The following ACTN4 variants were observed in gnomAD, a reference collection of about 807,000 sequenced individuals.
ACTN4 encodes actinin alpha 4, also known as alpha-actinin-4.
In ACTN4, 18 loss-of-function variants were observed where a neutral mutation model predicts 114.2. The ratio of observed to expected loss-of-function variants is 0.16; its 90% CI spans 0.11 to 0.23. The LOEUF (loss-of-function observed/expected upper bound fraction) is 0.23, where lower values mean the gene tolerates loss of function less well. Ranked by LOEUF, ACTN4 falls within the 10% of genes least tolerant of loss-of-function variation. ACTN4 has a pLI of 1.00. For missense variants in ACTN4, 722 were observed against 1,262.9 expected (o/e 0.57, Z 6.49); for synonymous variants, 515 against 506.3 (o/e 1.02, Z -0.23).
Position 38,730,052 on chromosome 19 carries a change from C to T in ACTN4, c.*620C>T, listed in dbSNP as rs1969437993. 7 of 160,296 alleles carry T rather than the reference C, an allele frequency of 4.4e-5. No individual in the cohort carries two copies. The highest frequency in any genetic ancestry group is 2.7e-5 in the Non-Finnish European group (2 of 75,104). The allele number at this position is 160,296 out of a possible 1,614,324, so 9.9% of individuals were successfully genotyped here. A position where few individuals can be genotyped will look rare whatever the true frequency, so the allele number is the denominator to read the frequency against. ...CCCCATCCCACCAGCCCCGGCCTTG[C>T]TTTGTCTGGCCTCACGTGTCTCAGA... On this transcript the variant is annotated 3_prime_UTR_variant, in exon 21 of 21. Transcript: ENST00000252699.
chr19:38,722,526 T>C (rs1969081182), intron 12 of ACTN4, among the ~76,000 whole-genome samples: 1 of 152,184 alleles, frequency 6.6e-6, no homozygotes. Flanking sequence ...CAGAGCTGGT[T>C]TCCTCCCCGA....
intron 1 of ACTN4, among the ~76,000 whole-genome samples, chr19:38,671,131 A>G (rs1967114764): frequency 6.6e-6 from 1 of 152,122 alleles, no homozygotes; most frequent in Non-Finnish European, 1.5e-5. Context: ...CAGCTCTGAT[A>G]AAAGGTGGTT....
chr19:38,718,799 A>C (rs1357737258), intron 11 of ACTN4, among the ~76,000 whole-genome samples: 2 of 152,202 alleles, frequency 1.3e-5, no homozygotes, highest in East Asian at 3.8e-4. Context: ...CTGTGTTCAG[A>C]GTCGGCTTCC....
intron 2 of ACTN4, 88 bp downstream of exon 2, chr19:38,700,802 C>T (rs983874821): frequency 7.1e-7 from 1 of 1,409,126 alleles, no homozygotes; most frequent in Non-Finnish European, 9.9e-7. Flanking sequence ...ACCCAGCTGT[C>T]CCATTGCTCC....
chr19:38,684,390 C>A (rs950093922), intron 1 of ACTN4, among the ~76,000 whole-genome samples: 22 of 152,174 alleles, frequency 1.4e-4, no homozygotes, highest in Admixed American at 1.2e-3. Flanking sequence ...CTAGGCCTTT[C>A]CTAGAAAACT....
In ACTN4 at chr19:38,724,308, C is replaced by T; in HGVS notation, c.1844C>T (p.Thr615Ile). 7 of 1,613,850 alleles carry T rather than the reference C, an allele frequency of 4.3e-6. No homozygotes were observed. The highest frequency in any genetic ancestry group is 1.1e-5 in the South Asian group (1 of 91,090). The change falls in exon 15 of 21, where the codon ACC becomes ATC. Residue 615 changes from threonine (T) to isoleucine (I), a missense_variant. Physicochemically the swap from Thr to Ile is moderately conservative, Grantham distance 89 (BLOSUM62 -1). Transcript: ENST00000252699. The surrounding 1 kb of genome is among the most constrained non-coding windows in gnomAD (Gnocchi z 7.0). ...LSGSNPYTTV[T>I]PQIINSKWEK... ...GGCAGCAACCCCTACACCACCGTCA[C>T]CCCGCAAATCATCAACTCCAAGTGG...
intron 19 of ACTN4, chr19:38,728,297 G>T: frequency 6.5e-7 from 1 of 1,527,934 alleles, no homozygotes; most frequent in Non-Finnish European, 8.8e-7. Flanking sequence ...CCTCTGCTAT[G>T]CCTGCGTCCT....
In ACTN4 at chr19:38,728,008, C is replaced by T. The variant is rs138139611; in HGVS notation, c.2400C>T (p.Asp800=). Residue 800 remains aspartate, a synonymous_variant, in exon 19 of 21, where the codon GAC becomes GAT. Transcript: ENST00000252699. ...FKACLISLGY[D]VENDRQGEAE... is the part of the protein sequence containing the mutation. ...CCTGCCTCATCAGCCTGGGCTACGACGTGGAGAACGACCGGCAGGTACTGC... is the reference window on the plus strand; with the variant it reads ...CCTGCCTCATCAGCCTGGGCTACGATGTGGAGAACGACCGGCAGGTACTGC... The T allele has an allele frequency of 4.4e-4, 702 of 1,612,944 alleles. 1 individual carries two copies. The highest frequency in any genetic ancestry group is 3.7e-3 in the East Asian group (168 of 44,846).
intron 1 of ACTN4, among the ~76,000 whole-genome samples, chr19:38,686,646 C>CT (rs1599798239): frequency 6.6e-6 from 1 of 152,384 alleles, no homozygotes; most frequent in East Asian, 1.9e-4. Flanking sequence ...GCCTGGAGGG[C>CT]TGAGCACTGC....
intron 13 of ACTN4, 58 bp from the exon 14 acceptor site, chr19:38,723,879 T>G: frequency 4.0e-6 from 5 of 1,241,500 alleles, no homozygotes; most frequent in Non-Finnish European, 5.7e-6. Flanking sequence ...CCACCCCTCC[T>G]GCTCACATAC....
At chr19:38,693,637 C>G (rs1277131562) in intron 1 of ACTN4, 2 of 152,252 alleles carry the variant, frequency 1.3e-5, no homozygotes, top group African/African-American at 4.8e-5. Flanking sequence ...CTCATTAAAG[C>G]CCACTGCTGC....
intron 1 of ACTN4, among the ~76,000 whole-genome samples, chr19:38,655,588 C>G (rs900134466): frequency 6.6e-6 from 1 of 152,110 alleles, no homozygotes; most frequent in African/African-American, 2.4e-5. Flanking sequence ...CCTCTTGGCT[C>G]TGTGTGTCAT....
intron 1 of ACTN4, among the ~76,000 whole-genome samples, chr19:38,654,793 C>T (rs905286233): frequency 6.6e-6 from 1 of 152,050 alleles, no homozygotes; most frequent in Non-Finnish European, 1.5e-5. Context: ...TTGGAATGTC[C>T]GTGGAAAGTC....
At chr19:38,721,812 C>A (rs1213133159) in intron 12 of ACTN4, 124 bp downstream of exon 12, 2 of 1,388,904 alleles carry the variant, frequency 1.4e-6, no homozygotes, top group East Asian at 2.5e-5. Context: ...AGTGCCCCAA[C>A]TGCACCTCCT....
At position 38,717,197 on chromosome 19, in the gene ACTN4, C is replaced by T; in HGVS notation, c.1024C>T (p.His342Tyr). 1 of 1,614,262 alleles carries T rather than the reference C, an allele frequency of 6.2e-7. No homozygotes were observed. The change falls in exon 10 of 21, where the codon CAC (histidine) becomes TAC (tyrosine). Residue 342 changes from histidine (H) to tyrosine (Y), a missense_variant. Coordinates refer to ENST00000252699, the MANE Select transcript of ACTN4 (RefSeq NM_004924.6). This position sits in a 1 kb window ranked among gnomAD's most constrained non-coding sequence, Gnocchi z 4.0. ...LEDFRDYRRV[H>Y]KPPKVQEKCQ... Reference sequence around the variant, plus strand: ...GGACTTCCGCGACTACCGGCGTGTGCACAAGCCGCCCAAGGTGCAGGAGAA... The same window carrying T: ...GGACTTCCGCGACTACCGGCGTGTGTACAAGCCGCCCAAGGTGCAGGAGAA...
At chr19:38,694,946 C>G (rs1454598529) in intron 1 of ACTN4, among the ~76,000 whole-genome samples, 1 of 152,178 alleles carries the variant, frequency 6.6e-6, no homozygotes, top group Non-Finnish European at 1.5e-5. Context: ...ACAATCTCAG[C>G]TTACTGCAAC....
Position 38,708,114 on chromosome 19 carries a change from C to T in ACTN4, c.573-3C>T. 1.2e-6 allele frequency: 2 copies of T among 1,614,166 alleles called. No individual in the cohort carries two copies. The highest frequency in any genetic ancestry group is 2.2e-5 in the East Asian group (1 of 44,878). ...CCTATAACCTTTGCCTTTCCTTCCC[C>T]AGCTGGAAGGATGGTCTTGCCTTCA... On this transcript the variant is annotated splice_region_variant and splice_polypyrimidine_tract_variant and intron_variant, in intron 5 of 20. Transcript: ENST00000252699.
At chr19:38,665,473 G>A (rs1966928463) in intron 1 of ACTN4, among the ~76,000 whole-genome samples, 1 of 152,192 alleles carries the variant, frequency 6.6e-6, no homozygotes. Context: ...CATCCAGGTG[G>A]GATCTGCTAC....
intron 11 of ACTN4, 98 bp from the exon 12 acceptor site, chr19:38,721,440 C>T: frequency 7.0e-7 from 1 of 1,424,672 alleles, no homozygotes; most frequent in Non-Finnish European, 9.8e-7. Flanking sequence ...ATGTGGGGTC[C>T]ACAGTCTCTC....
Sources: allele counts gnomAD v4.1 joint callset (sites outside exome capture counted in the v4.1 genomes callset), GRCh38; gene constraint gnomAD v4.1.1; non-coding constraint Gnocchi (gnomAD v3.1); transcripts MANE v1.5; gene names NCBI Gene and HGNC (gene_info 2026-07-23, HGNC 2026-07-21).